LRP1B: variants seen among roughly 807,000 people sequenced by gnomAD.
LRP1B encodes low-density lipoprotein receptor-related protein 1B.
LRP1B carries 217 observed loss-of-function variants against 556.6 expected under a neutral mutation model. That is an observed-to-expected ratio of 0.39 (90% CI 0.35 to 0.44). The LOEUF is 0.44. Among genes scored for constraint, LRP1B ranks in the 20% least tolerant of loss-of-function variants. The pLI is 1.00. For missense variants in LRP1B, 5,053 were observed against 5,620.8 expected (o/e 0.90, Z 3.23); for synonymous variants, 2,047 against 1,865.8 (o/e 1.10, Z -2.50).
At chr2:141,620,533 G>A (rs1486364194) in intron 2 of LRP1B, among the ~76,000 whole-genome samples, 1 of 152,028 alleles carries the variant, frequency 6.6e-6, no homozygotes, top group Non-Finnish European at 1.5e-5. Context: ...CAGACATATT[G>A]GATATGAGAA....
At position 141,515,280 on chromosome 2, in the gene LRP1B, C is replaced by A. The variant is rs189716161; in HGVS notation, c.206-34747G>T. On this transcript the variant is annotated intron_variant, in intron 2 of 90. Transcript: ENST00000389484. ...TCGCACCACTGCACTCCAGCCTGGG[C>A]AACAAGAGTGGAACTCCGTCAAAAG... 1.2e-3 allele frequency among the ~76,000 whole-genome samples: 176 copies of A among 145,274 alleles called. 1 individual carries two copies. Among genetic ancestry groups the A allele is most frequent in the African/African-American group, 4.0e-3 (156 of 39,278 alleles).
At chr2:141,023,979 C>CCT (rs1698143418) in intron 11 of LRP1B, among the ~76,000 whole-genome samples, 1 of 152,024 alleles carries the variant, frequency 6.6e-6, no homozygotes, top group Non-Finnish European at 1.5e-5. Context: ...TGCATGTAGA[C>CCT]ATGCCTAAGG....
At chr2:141,462,625 C>T (rs927762947) in intron 3 of LRP1B, among the ~76,000 whole-genome samples, 9 of 151,912 alleles carry the variant, frequency 5.9e-5, no homozygotes, top group Non-Finnish European at 1.2e-4. Flanking sequence ...TAAATCTGCA[C>T]GTTTTGCACA....
At chr2:142,107,398 C>A (rs1035378597) in intron 1 of LRP1B, among the ~76,000 whole-genome samples, 1 of 152,056 alleles carries the variant, frequency 6.6e-6, no homozygotes, top group African/African-American at 2.4e-5. Flanking sequence ...TGAGTTTGGT[C>A]CCCTTCTGTC....
chr2:140,955,815 T>C (rs2105308197), intron 18 of LRP1B, among the ~76,000 whole-genome samples: 1 of 151,770 alleles, frequency 6.6e-6, no homozygotes, highest in South Asian at 2.1e-4. Context: ...GGAAGGTAGA[T>C]TTCAAATCTA....
intron 18 of LRP1B, among the ~76,000 whole-genome samples, chr2:140,977,469 C>T (rs531551036): frequency 6.6e-6 from 1 of 152,154 alleles, no homozygotes; most frequent in African/African-American, 2.4e-5. Flanking sequence ...TTGCTTCCAA[C>T]TTAAATTAAT....
intron 2 of LRP1B, among the ~76,000 whole-genome samples, chr2:141,489,062 A>G (rs895068478): frequency 7.1e-6 from 1 of 141,678 alleles, no homozygotes; most frequent in Non-Finnish European, 1.5e-5. Context: ...TGCAGCCTTC[A>G]CCTTCTGGGC....
At chr2:141,077,194 G>A (rs556538963) in intron 7 of LRP1B, among the ~76,000 whole-genome samples, 1 of 152,170 alleles carries the variant, frequency 6.6e-6, no homozygotes, top group Non-Finnish European at 1.5e-5. Flanking sequence ...GTTGCAGTGA[G>A]CTGAGATTGT....
chr2:141,307,639 G>A, intron 3 of LRP1B, among the ~76,000 whole-genome samples: 1 of 152,080 alleles, frequency 6.6e-6, no homozygotes, highest in South Asian at 2.1e-4. Context: ...TGTTAGTGGA[G>A]GCTGTTGTGA....
At chr2:141,074,768 C>T (rs1377949889) in intron 7 of LRP1B, among the ~76,000 whole-genome samples, 1 of 151,600 alleles carries the variant, frequency 6.6e-6, no homozygotes, top group East Asian at 1.9e-4. Flanking sequence ...GCCATTCTGG[C>T]ATAGAAAAAT....
intron 82 of LRP1B, among the ~76,000 whole-genome samples, chr2:140,317,844 G>T (rs1342066336): frequency 6.6e-6 from 1 of 151,966 alleles, no homozygotes; most frequent in Non-Finnish European, 1.5e-5. Flanking sequence ...GCCTCATTAG[G>T]CACCAGAAAT....
intron 6 of LRP1B, among the ~76,000 whole-genome samples, chr2:141,190,937 C>T (rs2105200134): frequency 6.6e-6 from 1 of 152,074 alleles, no homozygotes; most frequent in South Asian, 2.1e-4. Flanking sequence ...TGCAAAAACT[C>T]TCTAACCTTA....
At chr2:141,071,701 A>C in intron 7 of LRP1B, among the ~76,000 whole-genome samples, 1 of 152,166 alleles carries the variant, frequency 6.6e-6, no homozygotes, top group Non-Finnish European at 1.5e-5. Context: ...GCATTCTTAT[A>C]CACCAATAAC....
chr2:140,856,516 G>A (rs1390776755), intron 27 of LRP1B, among the ~76,000 whole-genome samples: 1 of 152,092 alleles, frequency 6.6e-6, no homozygotes, highest in Non-Finnish European at 1.5e-5. Context: ...AAGGCCAGAT[G>A]GTAGATATTT....
chr2:140,561,480 C>T (rs1362129567), intron 43 of LRP1B, among the ~76,000 whole-genome samples: 2 of 152,086 alleles, frequency 1.3e-5, no homozygotes, highest in Admixed American at 1.3e-4. Context: ...TCTGAAGGTT[C>T]CCATGTCACG....
chr2:141,853,799 A>AGTAT (rs1336078652), intron 1 of LRP1B, among the ~76,000 whole-genome samples: 4 of 152,046 alleles, frequency 2.6e-5, no homozygotes, highest in Non-Finnish European at 5.9e-5. Context: ...ACAAACATAA[A>AGTAT]GTATGCATTT....
At chr2:141,625,104 C>T (rs1477632370) in intron 2 of LRP1B, among the ~76,000 whole-genome samples, 2 of 152,080 alleles carry the variant, frequency 1.3e-5, no homozygotes, top group Admixed American at 6.6e-5. Context: ...GTCTCCTCCT[C>T]CTAGTAGCAA....
At chr2:141,775,090 T>C (rs1242504596) in intron 2 of LRP1B, among the ~76,000 whole-genome samples, 1 of 152,186 alleles carries the variant, frequency 6.6e-6, no homozygotes, top group African/African-American at 2.4e-5. Context: ...TCACATAACA[T>C]GTAGGAGTCC....
intron 7 of LRP1B, among the ~76,000 whole-genome samples, chr2:141,087,350 T>G (rs1056107264): frequency 6.6e-6 from 1 of 152,170 alleles, no homozygotes; most frequent in African/African-American, 2.4e-5. Context: ...CAAGACTTTC[T>G]GTCAGGAGGG....
Sources: allele counts gnomAD v4.1 joint callset (sites outside exome capture counted in the v4.1 genomes callset), GRCh38; gene constraint gnomAD v4.1.1; transcripts MANE v1.5; gene names NCBI Gene and HGNC (gene_info 2026-07-23, HGNC 2026-07-21).